The following IFNAR1 variants were observed in gnomAD, a reference collection of about 807,000 sequenced individuals.
IFNAR1 encodes interferon alpha/beta receptor 1.
IFNAR1 carries 47 observed loss-of-function variants against 62.1 expected under a neutral mutation model. The ratio of observed to expected loss-of-function variants is 0.76; its 90% CI spans 0.60 to 0.97. IFNAR1 has a LOEUF of 0.97. Among genes scored for constraint, IFNAR1 ranks in the 50% least tolerant of loss-of-function variants. The pLI is 0.00. For synonymous variants in IFNAR1, 219 were observed against 226.9 expected, an observed-to-expected ratio of 0.97 and a Z score of 0.31; for missense variants, 638 against 654.5, an observed-to-expected ratio of 0.97 and a Z score of 0.27.
At chr21:33,332,889 G>A (rs1432405001) in intron 1 of IFNAR1, among the ~76,000 whole-genome samples, 11 of 152,154 alleles carry the variant, frequency 7.2e-5, no homozygotes, top group Admixed American at 6.5e-5. Flanking sequence ...TTCATACTAT[G>A]TAAGTTACAG....
chr21:33,356,272 TTC>T lies in IFNAR1; in HGVS notation c.*725_*726del, dbSNP rs1482210302. On this transcript the variant is annotated 3_prime_UTR_variant, in exon 11 of 11. Transcript: ENST00000270139. ...ACCTGTCTGTTCGCCATTCCTAACA[TTC>T]TGTTTCATTCTTCCTCGGGAGATAT... 1 of 152,250 alleles carries T rather than the reference TTC, an allele frequency of 6.6e-6. No homozygotes were observed. Among genetic ancestry groups the T allele is most frequent in the Non-Finnish European group, 1.5e-5 (1 of 68,048 alleles). 9.4% of individuals were successfully genotyped at this position (152,250 alleles called of 1,614,324 possible). A position where few individuals can be genotyped will look rare whatever the true frequency, so the allele number is the denominator to read the frequency against.
At chr21:33,343,748 T>G in intron 5 of IFNAR1, 72 bp downstream of exon 5, 1 of 989,790 alleles carries the variant, frequency 1.0e-6, no homozygotes, top group Non-Finnish European at 1.5e-6. Flanking sequence ...CTTCCCCATA[T>G]TGCTGAAGTT....
intron 1 of IFNAR1, among the ~76,000 whole-genome samples, chr21:33,326,027 C>T (rs866081539): frequency 1.3e-5 from 2 of 152,016 alleles, no homozygotes; most frequent in South Asian, 4.2e-4. Flanking sequence ...ACTTAACTAC[C>T]TACTTTTTTC....
At position 33,349,390 on chromosome 21, in the gene IFNAR1, T is replaced by C. The variant is rs897382790; in HGVS notation, c.990T>C (p.Ala330=). 12 of 1,582,004 alleles carry C rather than the reference T, an allele frequency of 7.6e-6. No homozygotes were observed. Among genetic ancestry groups the C allele is most frequent in the Non-Finnish European group, 1.0e-5 (12 of 1,167,880 alleles). Residue 330 remains alanine, a splice_region_variant and synonymous_variant, in exon 8 of 11, where the codon GCT becomes GCC. Coordinates refer to ENST00000270139, the MANE Select transcript of IFNAR1 (RefSeq NM_000629.3). ...EEIKFDTEIQ[A]FLLPPVFNIR... is the part of the protein sequence containing the mutation. ...TATTTCTTTACAAATTTTTTCTAGC[T>C]TTCCTACTTCCTCCAGTCTTTAACA...
intron 1 of IFNAR1, among the ~76,000 whole-genome samples, chr21:33,333,921 T>C (rs777628803): frequency 1.3e-5 from 2 of 152,142 alleles, no homozygotes; most frequent in Non-Finnish European, 2.9e-5. Context: ...AATTATATGC[T>C]TTCTATAAGA....
upstream of IFNAR1, chr21:33,324,752 G>A: frequency 2.2e-6 from 1 of 464,664 alleles, no homozygotes. Context: ...AGGAAGAAGA[G>A]AATGCAGGAG....
intron 8 of IFNAR1, among the ~76,000 whole-genome samples, 168 bp from the exon 9 acceptor site, chr21:33,352,590 G>A (rs770284892): frequency 1.3e-5 from 2 of 151,688 alleles, no homozygotes; most frequent in African/African-American, 2.4e-5. Flanking sequence ...GTGACAGAGC[G>A]AGACTGTCTC....
At chr21:33,339,913 G>A (rs1018364802) in intron 2 of IFNAR1, among the ~76,000 whole-genome samples, 3 of 126,114 alleles carry the variant, frequency 2.4e-5, no homozygotes, top group African/African-American at 9.1e-5. Flanking sequence ...GGGCAACAGA[G>A]TAAGACTCTG....
chr21:33,334,835 CA>C, intron 1 of IFNAR1: 1 of 984,876 alleles, frequency 1.0e-6, no homozygotes, highest in Non-Finnish European at 1.6e-6. Context: ...GGTGGTGATC[CA>C]GGGTGATATC....
chr21:33,340,970 C>T, intron 2 of IFNAR1, 29 bp from the exon 3 acceptor site: 1 of 1,431,536 alleles, frequency 7.0e-7, no homozygotes, highest in Admixed American at 1.8e-5. Flanking sequence ...CATTTGCTCA[C>T]TCATTCATTT....
Position 33,332,005 on chromosome 21 carries a change from A to G in IFNAR1, c.77-3519A>G, listed in dbSNP as rs575051811. Among the ~76,000 whole-genome samples, 23 of 152,170 alleles carry G rather than the reference A, an allele frequency of 1.5e-4. No homozygotes were observed. In the South Asian group the frequency reaches 4.4e-3, roughly 29 times the overall value. ...GAGAGCAAACCCACCTCAGCAACCA[A>G]GTGTCTCAGTAGGTTTGTGAGATCC... On this transcript the variant is annotated intron_variant, in intron 1 of 10. Coordinates refer to ENST00000270139, the MANE Select transcript of IFNAR1 (RefSeq NM_000629.3).
chr21:33,344,366 T>C (rs2083324628), intron 5 of IFNAR1, among the ~76,000 whole-genome samples: 1 of 152,160 alleles, frequency 6.6e-6, no homozygotes. Context: ...ATACATTTAG[T>C]AACATCTTTC....
At chr21:33,324,879 T>C, upstream of IFNAR1, 1 of 384,512 alleles carries the variant, frequency 2.6e-6, no homozygotes, top group South Asian at 3.7e-5. Flanking sequence ...GAACGGCGCG[T>C]GCGCGGAGGG....
intron 8 of IFNAR1, among the ~76,000 whole-genome samples, chr21:33,351,928 C>T (rs1039771411): frequency 2.0e-5 from 3 of 152,036 alleles, no homozygotes; most frequent in African/African-American, 4.8e-5. Context: ...AACTCCTGGG[C>T]TCCAGTGATC....
At position 33,358,768 on chromosome 21, in the gene IFNAR1, G is replaced by A. The variant is rs2083472871; in HGVS notation, c.*3219G>A. 1 of 152,028 alleles carries A rather than the reference G, an allele frequency of 6.6e-6. No individual in the cohort carries two copies. The allele number at this position is 152,028 out of a possible 1,614,324, so 9.4% of individuals were successfully genotyped here. ...AATCTCAGCACTTTTGGGAGGCCAA[G>A]ACAGGAGGATCACTTCAGGCCAGGA... On this transcript the variant is annotated 3_prime_UTR_variant, in exon 11 of 11. Coordinates refer to ENST00000270139, the MANE Select transcript of IFNAR1 (RefSeq NM_000629.3).
intron 2 of IFNAR1, among the ~76,000 whole-genome samples, chr21:33,336,013 G>A (rs1197401731): frequency 6.2e-5 from 9 of 145,792 alleles, no homozygotes; most frequent in East Asian, 2.0e-4. Flanking sequence ...ATGCTGGTGC[G>A]CTGCACCCAC....
intron 3 of IFNAR1, among the ~76,000 whole-genome samples, chr21:33,341,516 T>C (rs534781229): frequency 6.6e-5 from 10 of 152,226 alleles, no homozygotes; most frequent in East Asian, 1.9e-4. Context: ...TGTGGTGATA[T>C]GGTCACTGAT....
intron 1 of IFNAR1, among the ~76,000 whole-genome samples, chr21:33,333,440 G>A (rs2083199876): frequency 6.6e-6 from 1 of 151,934 alleles, no homozygotes; most frequent in Non-Finnish European, 1.5e-5. Flanking sequence ...AAAGAGAAAA[G>A]AATTAAACCT....
intron 2 of IFNAR1, among the ~76,000 whole-genome samples, chr21:33,336,194 A>AT (rs2083233001): frequency 7.2e-6 from 1 of 137,962 alleles, no homozygotes. Flanking sequence ...TGTTCTTGCG[A>AT]TAGTTTACTG....
Sources: gnomAD v4.1 joint callset for allele counts (sites outside exome capture counted in the v4.1 genomes callset) on GRCh38, gnomAD v4.1.1 for gene constraint, MANE v1.5 for transcripts, NCBI Gene and HGNC (gene_info 2026-07-23, HGNC 2026-07-21) for gene names.